ABCB5: variants seen among roughly 807,000 people sequenced by gnomAD.
ABCB5 encodes the protein ATP binding cassette subfamily B member 5.
In ABCB5, 155 loss-of-function variants were observed where a neutral mutation model predicts 144.2. That is an observed-to-expected ratio of 1.08 (90% CI 0.94 to 1.23). ABCB5 has a LOEUF of 1.23. ABCB5 is among the 50% of genes most tolerant of loss of function. The pLI, the probability that ABCB5 is intolerant of heterozygous loss-of-function variation, is 0.00. For missense variants in ABCB5, 1,830 were observed against 1,520.8 expected (o/e 1.20, Z -3.38); for synonymous variants, 610 against 528.6 (o/e 1.15, Z -2.11).
In ABCB5 at chr7:20,618,764, C is replaced by CTTTTTTTTTTTTTTTTTTTTTTT. The variant is rs59970398; in HGVS notation, c.-22+2933_-22+2955dup. 5.8e-5 allele frequency among the ~76,000 whole-genome samples: 3 copies of CTTTTTTTTTTTTTTTTTTTTTTT among 51,544 alleles called. 1 individual carries two copies. The highest frequency in any genetic ancestry group is 6.5e-4 in the Admixed American group (2 of 3,064). The allele number at this position is 51,544 out of a possible 152,430, so 33.8% of individuals were successfully genotyped here. On this transcript the variant is annotated intron_variant, in intron 1 of 27. Coordinates refer to ENST00000404938, the MANE Select transcript of ABCB5 (RefSeq NM_001163941.2). ...TCATGGCATATATGTGCTGCATTTT[C>CTTTTTTTTTTTTTTTTTTTTTTT]TTTTTTTTTTTTTTTTTTTTTTTTT... is the stretch of plus-strand genomic sequence containing the variant.
In ABCB5 at chr7:20,648,951, T is replaced by C. The variant is rs944494547; in HGVS notation, c.1206+873T>C. Among the ~76,000 whole-genome samples the C allele has an allele frequency of 6.8e-4, 104 of 152,236 alleles. 2 individuals are homozygous for C. The highest frequency in any genetic ancestry group is 6.7e-3 in the Admixed American group (103 of 15,280). On this transcript the variant is annotated intron_variant, in intron 11 of 27. Transcript: ENST00000404938. The stretch of plus-strand genomic sequence containing the variant: ...CTGTACAGTATTTCAAACTACATTT[T>C]GCAACTGTATTTGGATTGGCTTCCT...
intron 24 of ABCB5, among the ~76,000 whole-genome samples, chr7:20,742,608 T>C (rs1782596028): frequency 6.6e-6 from 1 of 152,176 alleles, no homozygotes. Context: ...TGGAACTGTC[T>C]GTGCAGCAAA....
In ABCB5 at chr7:20,643,616, C is replaced by A; in HGVS notation, c.662C>A (p.Ala221Glu). ...ACGTCTCCTCTTATAATGGCTTCAG[C>A]GGCAGCATGTTCTAGGGTAAGTGAG... The part of the protein sequence containing the change: ...LSTSPLIMAS[A>E]AACSRMVISL... The change falls in exon 7 of 28, where the codon GCG (alanine) becomes GAG (glutamate). Residue 221 changes from alanine to glutamate, a missense_variant. Coordinates refer to ENST00000404938, the MANE Select transcript of ABCB5 (RefSeq NM_001163941.2). 6.2e-7 allele frequency: 1 copy of A among 1,613,874 alleles called. No individual in the cohort carries two copies. Among genetic ancestry groups the A allele is most frequent in the Non-Finnish European group, 8.5e-7 (1 of 1,179,864 alleles).
intron 24 of ABCB5, among the ~76,000 whole-genome samples, chr7:20,741,425 C>CA (rs932007649): frequency 6.7e-6 from 1 of 149,654 alleles, no homozygotes; most frequent in Admixed American, 6.7e-5. Flanking sequence ...GGAAGTACAC[C>CA]AAAAAAAATT....
At chr7:20,718,908 G>A (rs936657936) in intron 20 of ABCB5, among the ~76,000 whole-genome samples, 21 of 152,086 alleles carry the variant, frequency 1.4e-4, no homozygotes, top group African/African-American at 4.8e-4. Flanking sequence ...TTGAGTGTAA[G>A]TAGGTGTAAA....
Position 20,723,219 on chromosome 7 carries a change from G to A in ABCB5, c.2625G>A (p.Lys875=). 6.2e-7 allele frequency: 1 copy of A among 1,613,826 alleles called. No homozygotes were observed. The highest frequency in any genetic ancestry group is 8.5e-7 in the Non-Finnish European group (1 of 1,179,922). ...AGCAAGAACTTAAGCATGCTGGAAA[G>A]GTAAAATGAAGACTGTTATCACCAT... The part of the protein sequence containing the change: ...KDKQELKHAG[K]IATEALENIR... Residue 875 remains lysine (K), a splice_region_variant and synonymous_variant, in exon 21 of 28, where the codon AAG becomes AAA. Transcript: ENST00000404938.
At chr7:20,674,584 C>T (rs1235938997) in intron 14 of ABCB5, among the ~76,000 whole-genome samples, 1 of 150,958 alleles carries the variant, frequency 6.6e-6, no homozygotes, top group Non-Finnish European at 1.5e-5. Context: ...TCATGGTATA[C>T]AAACACACAA....
intron 13 of ABCB5, among the ~76,000 whole-genome samples, chr7:20,652,310 G>T (rs1784621484): frequency 1.3e-5 from 2 of 152,214 alleles, no homozygotes; most frequent in African/African-American, 4.8e-5. Context: ...GCTCACGCGT[G>T]TAATCCCAGC....
chr7:20,747,631 T>C (rs1196865692), intron 26 of ABCB5, among the ~76,000 whole-genome samples: 1 of 152,184 alleles, frequency 6.6e-6, no homozygotes, highest in African/African-American at 2.4e-5. Flanking sequence ...TACTCAAAAC[T>C]ATATGCTGCA....
intron 4 of ABCB5, among the ~76,000 whole-genome samples, chr7:20,631,550 T>C (rs924822153): frequency 2.0e-5 from 3 of 152,174 alleles, no homozygotes; most frequent in African/African-American, 4.8e-5. Flanking sequence ...AGAAGATATA[T>C]AGAAAAGTTT....
intron 14 of ABCB5, chr7:20,659,847 C>G: frequency 1.1e-6 from 1 of 911,870 alleles, no homozygotes; most frequent in Non-Finnish European, 1.3e-6. Flanking sequence ...CCACACCCAG[C>G]TAATTTTTGT....
chr7:20,680,795 A>T (rs1407533182), intron 14 of ABCB5, among the ~76,000 whole-genome samples: 1 of 152,164 alleles, frequency 6.6e-6, no homozygotes, highest in African/African-American at 2.4e-5. Flanking sequence ...GTTAAGTAAT[A>T]TCCCCATTTT....
intron 16 of ABCB5, among the ~76,000 whole-genome samples, chr7:20,695,823 C>A (rs1376846873): frequency 1.3e-5 from 2 of 151,836 alleles, no homozygotes; most frequent in African/African-American, 4.8e-5. Context: ...AGATGCCCAA[C>A]GTGGTTAGTC....
At chr7:20,666,161 ACT>A (rs955854795) in intron 14 of ABCB5, among the ~76,000 whole-genome samples, 1 of 140,860 alleles carries the variant, frequency 7.1e-6, no homozygotes, top group African/African-American at 2.8e-5. Flanking sequence ...CAAGAGTGAA[ACT>A]CTGTCTCAAA....
chr7:20,702,410 G>T (rs1460698463), intron 19 of ABCB5, among the ~76,000 whole-genome samples: 1 of 152,034 alleles, frequency 6.6e-6, no homozygotes, highest in Non-Finnish European at 1.5e-5. Context: ...AGGCTTTGAG[G>T]TAATGAGTCC....
chr7:20,629,816 T>C (rs538368038), intron 4 of ABCB5, among the ~76,000 whole-genome samples: 2 of 152,150 alleles, frequency 1.3e-5, no homozygotes, highest in East Asian at 3.9e-4. Flanking sequence ...TAATCAAGTA[T>C]GATCAAATCT....
At chr7:20,724,178 TTTTC>T (rs1169305910) in intron 21 of ABCB5, among the ~76,000 whole-genome samples, 2 of 102,414 alleles carry the variant, frequency 2.0e-5, no homozygotes, top group Non-Finnish European at 4.4e-5. Flanking sequence ...GTTCTTTTCC[TTTTC>T]TTTCTTTTTT....
intron 19 of ABCB5, among the ~76,000 whole-genome samples, chr7:20,701,453 AG>A (rs1195841095): frequency 1.3e-5 from 2 of 152,212 alleles, no homozygotes; most frequent in African/African-American, 4.8e-5. Flanking sequence ...TTTATACAGA[AG>A]AATATAAATT....
intron 21 of ABCB5, 105 bp downstream of exon 21, chr7:20,723,324 T>A: frequency 8.7e-7 from 1 of 1,143,146 alleles, no homozygotes; most frequent in Non-Finnish European, 1.3e-6. Flanking sequence ...TATGATATAT[T>A]AACTTCATCT....
Sources: allele counts gnomAD v4.1 joint callset (sites outside exome capture counted in the v4.1 genomes callset), GRCh38; gene constraint gnomAD v4.1.1; transcripts MANE v1.5; gene names NCBI Gene and HGNC (gene_info 2026-07-23, HGNC 2026-07-21).